The following ESR1 variants were observed in gnomAD, a reference collection of about 807,000 sequenced individuals.
ESR1 encodes estrogen receptor.
Under a neutral mutation model 52.7 loss-of-function variants are expected in ESR1, and 12 were observed. That is an observed-to-expected ratio of 0.23 (90% CI 0.15 to 0.37). The LOEUF (loss-of-function observed/expected upper bound fraction) is 0.37. Among genes scored for constraint, ESR1 ranks in the 10% least tolerant of loss-of-function variants. The probability of loss-of-function intolerance (pLI) is 1.00; values close to 1 mark genes in which losing one functional copy is unlikely to be tolerated. For missense variants in ESR1, 584 were observed against 779.7 expected (o/e 0.75, Z 2.99); for synonymous variants, 305 against 316.8 (o/e 0.96, Z 0.39).
At chr6:151,837,210 C>G (rs922269116) in intron 1 of ESR1, among the ~76,000 whole-genome samples, 2 of 149,124 alleles carry the variant, frequency 1.3e-5, no homozygotes, top group African/African-American at 2.5e-5. Context: ...AAGCAATTCT[C>G]TGCCTCAGCC....
chr6:151,816,282 A>T (rs1482248276), intron 1 of ESR1, among the ~76,000 whole-genome samples: 1 of 152,152 alleles, frequency 6.6e-6, no homozygotes, highest in Non-Finnish European at 1.5e-5. Context: ...ATGAGAATCG[A>T]TTCTGTATAA....
chr6:151,805,327 A>C (rs1189950074), upstream of ESR1: 1 of 152,130 alleles, frequency 6.6e-6, no homozygotes, highest in East Asian at 1.9e-4. Context: ...CCCATGTCCT[A>C]TTTTGTAAAC....
At chr6:151,950,030 TAGTG>T (rs778906192) in intron 4 of ESR1, among the ~76,000 whole-genome samples, 11 of 152,162 alleles carry the variant, frequency 7.2e-5, no homozygotes, top group Non-Finnish European at 1.5e-4. Context: ...GTTCCTGTGA[TAGTG>T]AGTAAGTCTC....
downstream of ESR1, among the ~76,000 whole-genome samples, chr6:152,107,791 C>T (rs1489433336): frequency 6.6e-6 from 1 of 152,156 alleles, no homozygotes; most frequent in Non-Finnish European, 1.5e-5. Flanking sequence ...AAATAACTCA[C>T]CTGAATTAAA....
intron 2 of ESR1, among the ~76,000 whole-genome samples, chr6:151,737,010 T>C (rs954016709): frequency 4.6e-5 from 7 of 152,214 alleles, no homozygotes. Context: ...CTATATATAC[T>C]TTCTGAATTT....
chr6:151,784,932 C>G (rs1328253556), intron 2 of ESR1, among the ~76,000 whole-genome samples: 1 of 152,160 alleles, frequency 6.6e-6, no homozygotes, highest in African/African-American at 2.4e-5. Flanking sequence ...ATGCTACATT[C>G]TAGGGACATT....
rs1232387488 is a variant in ESR1, at chr6:151,755,816, C to T, written c.-70-52027C>T. 5.9e-5 allele frequency among the ~76,000 whole-genome samples: 9 copies of T among 151,652 alleles called. No homozygotes were observed. The East Asian group carries it at 1.6e-3, about 26-fold the overall frequency. On this transcript the variant is annotated intron_variant, in intron 2 of 2. Coordinates refer to the ESR1 transcript ENST00000404742. The stretch of plus-strand genomic sequence containing the variant: ...CAGCTACTTTTTGTATTTTTAGTAG[C>T]GAAGGGGTTTCGCCATGTTGGCCAG...
chr6:151,735,384 A>G (rs1782568469), intron 2 of ESR1, among the ~76,000 whole-genome samples: 1 of 152,176 alleles, frequency 6.6e-6, no homozygotes, highest in South Asian at 2.1e-4. Context: ...TGTTCTTCTT[A>G]TCACCCACAG....
At chr6:152,003,287 C>T (rs979051327) in intron 4 of ESR1, among the ~76,000 whole-genome samples, 2 of 151,582 alleles carry the variant, frequency 1.3e-5, no homozygotes, top group African/African-American at 4.8e-5. Context: ...AAACTACTTC[C>T]TCACCTGTCA....
intron 6 of ESR1, among the ~76,000 whole-genome samples, chr6:152,066,383 CA>C (rs2047967190): frequency 6.6e-6 from 1 of 152,156 alleles, no homozygotes; most frequent in Non-Finnish European, 1.5e-5. Context: ...GATGAAAGAA[CA>C]TTTTTTAAAC....
chr6:151,921,476 T>G (rs2031664103), intron 3 of ESR1, among the ~76,000 whole-genome samples: 1 of 152,210 alleles, frequency 6.6e-6, no homozygotes, highest in Non-Finnish European at 1.5e-5. Flanking sequence ...GGTTGAATGG[T>G]ATTTCTAGTT....
intron 6 of ESR1, among the ~76,000 whole-genome samples, chr6:152,074,721 T>C (rs1015426649): frequency 3.3e-5 from 5 of 152,218 alleles, no homozygotes; most frequent in African/African-American, 1.2e-4. Flanking sequence ...TGAGTGAGAG[T>C]TCCTGTTGCT....
At chr6:151,840,948 A>G (rs1035616261) in intron 1 of ESR1, among the ~76,000 whole-genome samples, 13 of 152,142 alleles carry the variant, frequency 8.5e-5, no homozygotes, top group Non-Finnish European at 1.5e-4. Context: ...TTGATTGCAC[A>G]TGCCTGCCAA....
At chr6:151,792,077 A>G (rs73780862) in intron 2 of ESR1, among the ~76,000 whole-genome samples, 1,980 of 152,318 alleles carry the variant, frequency 0.013, 41 homozygotes, top group African/African-American at 0.044. Context: ...CTCCTAGGCT[A>G]TAAACCTGTA....
Position 152,070,665 on chromosome 6 carries a change from T to C in ESR1, c.1369+9541T>C, listed in dbSNP as rs1329922117. On this transcript the variant is annotated intron_variant, in intron 6 of 7. Transcript: ENST00000206249. ...CTCCCTCCAACTGCTTCTCTTGGGC[T>C]GAAGGATGGAAAAGCAAACTCCCTG... Among the ~76,000 whole-genome samples, 14 of 138,622 alleles carry C rather than the reference T, an allele frequency of 1.0e-4. 6 individuals carry two copies. The highest frequency in any genetic ancestry group is 4.4e-4 in the African/African-American group (14 of 31,562). The allele number at this position is 138,622 out of a possible 152,430, so 90.9% of individuals were successfully genotyped here. A position where few individuals can be genotyped will look rare whatever the true frequency, so the allele number is the denominator to read the frequency against.
upstream of ESR1, among the ~76,000 whole-genome samples, chr6:151,801,354 A>G (rs866913643): frequency 1.3e-5 from 2 of 152,328 alleles, 1 homozygote; most frequent in Middle Eastern, 6.8e-3. Flanking sequence ...ATCCTAAAAT[A>G]TTGTTAAAAG....
At chr6:151,862,255 G>A (rs1789019502) in intron 2 of ESR1, among the ~76,000 whole-genome samples, 1 of 152,152 alleles carries the variant, frequency 6.6e-6, no homozygotes, top group African/African-American at 2.4e-5. Context: ...TGCAAAGCCT[G>A]ACTCTTAACC....
At chr6:152,008,974 T>G (rs1250314959) in intron 4 of ESR1, among the ~76,000 whole-genome samples, 2 of 152,062 alleles carry the variant, frequency 1.3e-5, no homozygotes, top group Admixed American at 6.6e-5. Flanking sequence ...TCCTATGAGA[T>G]CGTGGGTATT....
chr6:151,668,438 A>G (rs2115235314), intron 1 of ESR1, among the ~76,000 whole-genome samples: 1 of 152,088 alleles, frequency 6.6e-6, no homozygotes, highest in African/African-American at 2.4e-5. Context: ...GCCCGCCACC[A>G]TGCCTGGCTA....
Sources: gnomAD v4.1 joint callset for allele counts (sites outside exome capture counted in the v4.1 genomes callset) on GRCh38, gnomAD v4.1.1 for gene constraint, MANE v1.5 for transcripts, NCBI Gene and HGNC (gene_info 2026-07-23, HGNC 2026-07-21) for gene names.